Variants in SPATA22 observed in about 807,000 individuals in gnomAD.
The protein encoded by SPATA22 is spermatogenesis-associated protein 22.
In SPATA22, 29 loss-of-function variants were observed where a neutral mutation model predicts 47.8. That is an observed-to-expected ratio of 0.61 (90% CI 0.45 to 0.83). SPATA22 has a LOEUF of 0.83. SPATA22 is among the 40% of genes least tolerant of loss of function. SPATA22 has a pLI of 0.00. For missense variants in SPATA22, 410 were observed against 421.7 expected, an observed-to-expected ratio of 0.97 and a Z score of 0.24; for synonymous variants, 133 against 140.9, an observed-to-expected ratio of 0.94 and a Z score of 0.40.
In SPATA22 at chr17:3,469,294, C is replaced by T. The variant is rs770870928; in HGVS notation, c.32G>A (p.Arg11Gln). 1.3e-5 allele frequency: 20 copies of T among 1,549,288 alleles called. No homozygotes were observed. Among genetic ancestry groups the T allele is most frequent in the Middle Eastern group, 1.7e-4 (1 of 5,974 alleles). Reference protein sequence around the residue: MKRSLNENSARSTAGCLPVPL... With the variant: MKRSLNENSAQSTAGCLPVPL... ...AAGTTGTTCAATACCTGCTGTACTT[C>T]GAGCTGAATTTTCATTTAGGCTTCG... is the stretch of plus-strand genomic sequence containing the variant. The change falls in exon 2 of 9, where the codon CGA (arginine) becomes CAA (glutamine). Residue 11 changes from arginine to glutamine, a missense_variant. By Grantham distance (43) the Arg-to-Gln change is conservative (BLOSUM62 1). Coordinates refer to ENST00000572969, the MANE Select transcript of SPATA22 (RefSeq NM_001170698.2).
intron 3 of SPATA22, among the ~76,000 whole-genome samples, chr17:3,465,337 G>A (rs1419136300): frequency 1.2e-4 from 18 of 152,022 alleles, no homozygotes; most frequent in Non-Finnish European, 1.9e-4. Context: ...GGAATAGAAA[G>A]CGGGGAAAGG....
At chr17:3,492,582 C>T (rs1047178496) in intron 1 of SPATA22, among the ~76,000 whole-genome samples, 3 of 152,154 alleles carry the variant, frequency 2.0e-5, no homozygotes, top group African/African-American at 7.2e-5. Context: ...TTGTTTTGTG[C>T]CATAGAAGAG....
At chr17:3,447,300 T>C (rs1055215570) in intron 6 of SPATA22, among the ~76,000 whole-genome samples, 2 of 152,112 alleles carry the variant, frequency 1.3e-5, no homozygotes, top group African/African-American at 4.8e-5. Context: ...AAGAATACAG[T>C]GTGTTAAAAT....
Position 3,440,112 on chromosome 17 carries a change from G to A in SPATA22, c.*35C>T, listed in dbSNP as rs2257732. 0.053 allele frequency: 72,773 copies of A among 1,377,212 alleles called. 2,184 individuals carry two copies. The highest frequency in any genetic ancestry group is 0.088 in the Middle Eastern group (465 of 5,282). The allele number at this position is 1,377,212 out of a possible 1,614,324, so 85.3% of individuals were successfully genotyped here. On this transcript the variant is annotated 3_prime_UTR_variant, in exon 9 of 9. Coordinates refer to ENST00000572969, the MANE Select transcript of SPATA22 (RefSeq NM_001170698.2). ...GTAAATTAAGCAATAACAGAAAACT[G>A]CTATAATTTATGCTAAACTTCCTTT...
chr17:3,479,236 G>A (rs1008687937), intron 1 of SPATA22, among the ~76,000 whole-genome samples: 2 of 152,174 alleles, frequency 1.3e-5, no homozygotes, highest in African/African-American at 4.8e-5. Flanking sequence ...CTGCAGGCAT[G>A]AGAACTCAAA....
At position 3,503,227 on chromosome 17, in the gene SPATA22, GAATA is replaced by G. The variant is rs971318275; in HGVS notation, c.-74+10181_-74+10184del. ...GGAATGAATGAATGAATGAATGAATGAATAAATATTATATATTTATACATTTTCA... is the reference window on the plus strand; with the variant it reads ...GGAATGAATGAATGAATGAATGAATGAATATTATATATTTATACATTTTCA... On this transcript the variant is annotated intron_variant, in intron 1 of 8. Transcript: ENST00000541913. The G allele has an allele frequency of 9.5e-4, 145 of 152,198 alleles. 1 individual carries two copies. Among genetic ancestry groups the G allele is most frequent in the African/African-American group, 3.3e-3 (139 of 41,520 alleles). 9.4% of individuals were successfully genotyped at this position (152,198 alleles called of 1,614,324 possible).
chr17:3,477,824 G>A (rs760582172), intron 1 of SPATA22, among the ~76,000 whole-genome samples: 2 of 152,062 alleles, frequency 1.3e-5, no homozygotes, highest in Non-Finnish European at 2.9e-5. Flanking sequence ...AGGTACTGGG[G>A]GAGTACACAG....
intron 1 of SPATA22, chr17:3,494,401 T>C (rs2073876211): frequency 1.9e-6 from 3 of 1,613,372 alleles, no homozygotes. Context: ...ATAGAGAAAG[T>C]TGATTACCCC....
chr17:3,486,466 G>A (rs569741032), intron 1 of SPATA22, among the ~76,000 whole-genome samples: 244 of 152,284 alleles, frequency 1.6e-3, no homozygotes, highest in African/African-American at 5.6e-3. Context: ...TTCACGAGCT[G>A]TTTGTCATCT....
intron 1 of SPATA22, among the ~76,000 whole-genome samples, chr17:3,495,761 G>A (rs1236294583): frequency 8.5e-5 from 13 of 152,060 alleles, no homozygotes; most frequent in Non-Finnish European, 1.9e-4. Context: ...TGGAGATGGG[G>A]TTTCACCATG....
At chr17:3,506,599 AAGAGCATAG>A (rs1242172155) in intron 1 of SPATA22, among the ~76,000 whole-genome samples, 12 of 152,206 alleles carry the variant, frequency 7.9e-5, no homozygotes, top group East Asian at 3.9e-4. Flanking sequence ...AAGAAAGCTC[AAGAGCATAG>A]AGAGCATAGA....
Position 3,464,375 on chromosome 17 carries a change from A to C in SPATA22, c.173-1608T>G, listed in dbSNP as rs2073218597. On this transcript the variant is annotated intron_variant, in intron 3 of 8. Coordinates refer to ENST00000572969, the MANE Select transcript of SPATA22 (RefSeq NM_001170698.2). ...CCTGCCTTGGCCTCCCAAAGTGCCC[A>C]GAGTGCAGCCTCTGCCCGGCCGCCA... 2.7e-5 allele frequency among the ~76,000 whole-genome samples: 4 copies of C among 150,684 alleles called. No homozygotes were observed. The South Asian group carries it at 8.4e-4, about 32-fold the overall frequency.
At chr17:3,494,461 T>C in intron 1 of SPATA22, 1 of 1,590,850 alleles carries the variant, frequency 6.3e-7, no homozygotes, top group Non-Finnish European at 8.6e-7. Context: ...AATCTGCAGG[T>C]AACATTTGTT....
At position 3,466,079 on chromosome 17, in the gene SPATA22, C is replaced by A. The variant is rs1445085869; in HGVS notation, c.172+1347G>T. On this transcript the variant is annotated intron_variant, in intron 3 of 8. Transcript: ENST00000572969. ...TACACAAAAATTGGAAATATATGAA[C>A]TTCACACTTAAATTTCTTCAAATAT... is the stretch of plus-strand genomic sequence containing the variant. Among the ~76,000 whole-genome samples the A allele has an allele frequency of 2.6e-5, 4 of 151,424 alleles. No individual in the cohort carries two copies. In the East Asian group the frequency reaches 7.7e-4, roughly 29 times the overall value.
upstream of SPATA22, among the ~76,000 whole-genome samples, chr17:3,473,145 C>T (rs1038876284): frequency 1.3e-4 from 19 of 145,866 alleles, no homozygotes; most frequent in Non-Finnish European, 2.5e-4. Flanking sequence ...AAGCCGATTA[C>T]TTCTGTAGGG....
At chr17:3,460,560 G>A (rs2073102528) in intron 5 of SPATA22, among the ~76,000 whole-genome samples, 1 of 151,952 alleles carries the variant, frequency 6.6e-6, no homozygotes. Context: ...AGGCTGAGGT[G>A]AGGGAATCAC....
At chr17:3,499,813 C>T (rs894725653) in intron 1 of SPATA22, 4 of 152,176 alleles carry the variant, frequency 2.6e-5, no homozygotes, top group East Asian at 3.8e-4. Flanking sequence ...ACAGCAGACT[C>T]TGTGTGTTCA....
upstream of SPATA22, among the ~76,000 whole-genome samples, chr17:3,472,979 T>A (rs2073466742): frequency 6.6e-6 from 1 of 152,128 alleles, no homozygotes; most frequent in African/African-American, 2.4e-5. Context: ...TTATTTATCA[T>A]GGTTCCAGAG....
intron 5 of SPATA22, 88 bp downstream of exon 5, chr17:3,462,395 C>T (rs2073141951): frequency 1.1e-6 from 1 of 872,954 alleles, no homozygotes; most frequent in Non-Finnish European, 1.8e-6. Flanking sequence ...GTCTGAGAAA[C>T]AACGAAGTGA....
Sources: gnomAD v4.1 joint callset for allele counts (sites outside exome capture counted in the v4.1 genomes callset) on GRCh38, gnomAD v4.1.1 for gene constraint, MANE v1.5 for transcripts, NCBI Gene and HGNC (gene_info 2026-07-23, HGNC 2026-07-21) for gene names.